The following PTPRK variants were observed in gnomAD, a reference collection of about 807,000 sequenced individuals.
PTPRK encodes the protein receptor-type tyrosine-protein phosphatase kappa.
A neutral mutation model predicts 178.0 loss-of-function variants in PTPRK; 75 were observed. That is an observed-to-expected ratio of 0.42 (90% CI 0.35 to 0.51). The LOEUF (loss-of-function observed/expected upper bound fraction) is 0.51, where lower values mean the gene tolerates loss of function less well. Among genes scored for constraint, PTPRK ranks in the 20% least tolerant of loss-of-function variants. The pLI, the probability that PTPRK is intolerant of heterozygous loss-of-function variation, is 0.02. For synonymous variants in PTPRK, 637 were observed against 620.6 expected (o/e 1.03, Z -0.39); for missense variants, 1,441 against 1,797.8 (o/e 0.80, Z 3.59).
At chr6:127,989,024 T>C (rs1297079712) in intron 21 of PTPRK, among the ~76,000 whole-genome samples, 1 of 152,086 alleles carries the variant, frequency 6.6e-6, no homozygotes, top group Non-Finnish European at 1.5e-5. Context: ...TCAAGGATTA[T>C]TCAGAAGAGG....
Position 128,407,429 on chromosome 6 carries a change from G to A in PTPRK, c.101-9741C>T, listed in dbSNP as rs1025921486. Among the ~76,000 whole-genome samples, 13 of 152,048 alleles carry A rather than the reference G, an allele frequency of 8.5e-5. No homozygotes were observed. In the South Asian group the frequency reaches 2.3e-3, roughly 27 times the overall value. On this transcript the variant is annotated intron_variant, in intron 1 of 29. Transcript: ENST00000368226. ...GAGGGGTTAGATTTCTTGAGCCTAA[G>A]AGTTCAAGACCAGCCTGGGCAACAA... is the stretch of plus-strand genomic sequence containing the variant.
intron 17 of PTPRK, 82 bp from the exon 18 acceptor site, chr6:127,995,620 T>C: frequency 1.2e-6 from 1 of 828,228 alleles, no homozygotes; most frequent in Non-Finnish European, 1.9e-6. Context: ...ACTAAAGAAT[T>C]CAGTGGTTGC....
intron 5 of PTPRK, among the ~76,000 whole-genome samples, chr6:128,237,842 T>C (rs200348642): frequency 6.6e-6 from 1 of 151,862 alleles, no homozygotes; most frequent in South Asian, 2.1e-4. Flanking sequence ...TTTTTTTTAC[T>C]TTTGGCAAAA....
intron 13 of PTPRK, among the ~76,000 whole-genome samples, chr6:128,042,384 T>TA (rs1016123438): frequency 6.6e-6 from 1 of 152,064 alleles, no homozygotes; most frequent in Non-Finnish European, 1.5e-5. Flanking sequence ...CTTATGGGAC[T>TA]AAAATCAAGG....
intron 7 of PTPRK, among the ~76,000 whole-genome samples, chr6:128,151,560 A>T (rs78675705): frequency 0.022 from 3,316 of 149,536 alleles, 100 homozygotes; most frequent in African/African-American, 0.046. Context: ...ATAGTTATTT[A>T]AAAAAAAAAG....
intron 11 of PTPRK, among the ~76,000 whole-genome samples, chr6:128,077,091 T>C (rs1012506805): frequency 4.6e-5 from 7 of 152,042 alleles, no homozygotes; most frequent in African/African-American, 1.7e-4. Flanking sequence ...TTCACCCAAA[T>C]ATCTAACTCT....
intron 7 of PTPRK, among the ~76,000 whole-genome samples, chr6:128,168,622 C>A (rs1226987545): frequency 6.6e-6 from 1 of 152,016 alleles, no homozygotes; most frequent in Non-Finnish European, 1.5e-5. Context: ...CTATTGTGAA[C>A]TGTGCATAAT....
At chr6:128,507,252 G>T (rs1465083822) in intron 1 of PTPRK, among the ~76,000 whole-genome samples, 1 of 152,054 alleles carries the variant, frequency 6.6e-6, no homozygotes, top group East Asian at 1.9e-4. Flanking sequence ...ACAAAAAACA[G>T]TTTTTTAAAT....
chr6:127,980,172 T>C (rs533054232), intron 25 of PTPRK, among the ~76,000 whole-genome samples: 2 of 152,292 alleles, frequency 1.3e-5, no homozygotes, highest in African/African-American at 4.8e-5. Flanking sequence ...TAGCCGTGCA[T>C]GGTGGTGCAT....
chr6:128,041,668 C>T (rs1777183421), intron 13 of PTPRK, among the ~76,000 whole-genome samples: 1 of 151,748 alleles, frequency 6.6e-6, no homozygotes, highest in Admixed American at 6.6e-5. Flanking sequence ...GTAGCATTTG[C>T]TACTTCATAA....
Position 127,973,656 on chromosome 6 carries a change from C to G in PTPRK, c.4133+8G>C. The G allele has an allele frequency of 1.2e-6, 2 of 1,613,078 alleles. No individual in the cohort carries two copies. Among genetic ancestry groups the G allele is most frequent in the Non-Finnish European group, 1.7e-6 (2 of 1,179,760 alleles). Reference sequence around the variant, plus strand: ...CCCATGAATGACAGGCTGAGCTGCCCTACTCACAGGCAGTGGATAATCGTC... The same window carrying G: ...CCCATGAATGACAGGCTGAGCTGCCGTACTCACAGGCAGTGGATAATCGTC... On this transcript the variant is annotated splice_region_variant and intron_variant, in intron 28 of 29. Coordinates refer to ENST00000368226, the MANE Select transcript of PTPRK (RefSeq NM_002844.4).
chr6:128,262,912 A>G (rs1399625571), intron 3 of PTPRK, among the ~76,000 whole-genome samples: 5 of 150,476 alleles, frequency 3.3e-5, no homozygotes, highest in African/African-American at 1.2e-4. Context: ...TTCATAAAAA[A>G]CTGGGCCAAT....
intron 2 of PTPRK, among the ~76,000 whole-genome samples, chr6:128,395,049 CT>C (rs1264448184): frequency 2.0e-5 from 3 of 152,078 alleles, no homozygotes; most frequent in African/African-American, 7.2e-5. Context: ...AATAAGCATG[CT>C]TGCTAATTTA....
intron 2 of PTPRK, among the ~76,000 whole-genome samples, chr6:128,359,907 C>T (rs1016754173): frequency 4.6e-5 from 7 of 152,144 alleles, no homozygotes; most frequent in African/African-American, 9.7e-5. Flanking sequence ...TGGCATTATC[C>T]TTTAGTCTAG....
intron 1 of PTPRK, among the ~76,000 whole-genome samples, chr6:128,455,961 T>G (rs567018214): frequency 2.0e-4 from 31 of 152,086 alleles, no homozygotes; most frequent in Non-Finnish European, 4.0e-4. Context: ...ATCTACAATG[T>G]GATCTCCCAG....
At position 128,345,869 on chromosome 6, in the gene PTPRK, A is replaced by G. The variant is rs144672507; in HGVS notation, c.224-23559T>C. 3.9e-5 allele frequency among the ~76,000 whole-genome samples: 6 copies of G among 152,308 alleles called. No individual in the cohort carries two copies. In the East Asian group the frequency reaches 7.7e-4, roughly 20 times the overall value. ...ATCTAAATGTATAAGCCTTATTTCC[A>G]TTAAAATTAAATATGTCTAATCCTC... On this transcript the variant is annotated intron_variant, in intron 2 of 29. Transcript: ENST00000368226.
At chr6:127,988,885 CAT>C (rs1289990863) in intron 21 of PTPRK, among the ~76,000 whole-genome samples, 10 of 151,864 alleles carry the variant, frequency 6.6e-5, no homozygotes, top group Non-Finnish European at 1.0e-4. Context: ...TAATTTTTCA[CAT>C]GATTTCAGAG....
At chr6:128,416,606 C>T (rs1397067920) in intron 1 of PTPRK, among the ~76,000 whole-genome samples, 1 of 150,180 alleles carries the variant, frequency 6.7e-6, no homozygotes, top group African/African-American at 2.5e-5. Context: ...CGAGATCACG[C>T]CACTGCAGTC....
chr6:128,368,960 A>C (rs201957370), intron 2 of PTPRK, among the ~76,000 whole-genome samples: 19 of 152,138 alleles, frequency 1.2e-4, no homozygotes, highest in African/African-American at 3.1e-4. Flanking sequence ...CAAAAAAAAA[A>C]ACACACACAC....
Sources: gnomAD v4.1 joint callset for allele counts (sites outside exome capture counted in the v4.1 genomes callset) on GRCh38, gnomAD v4.1.1 for gene constraint, MANE v1.5 for transcripts, NCBI Gene and HGNC (gene_info 2026-07-23, HGNC 2026-07-21) for gene names.